Variants in AMMECR1 observed in about 807,000 individuals in gnomAD.
The protein encoded by AMMECR1 is nuclear protein AMMECR1.
AMMECR1 carries 3 observed loss-of-function variants against 22.5 expected under a neutral mutation model. The observed-to-expected ratio is 0.13, with a 90% CI of 0.06 to 0.35. The LOEUF is 0.35. Among genes scored for constraint, AMMECR1 ranks in the 10% least tolerant of loss-of-function variants. The pLI is 1.00. For missense variants in AMMECR1, 235 were observed against 278.7 expected (o/e 0.84, Z 1.12); for synonymous variants, 130 against 116.7 (o/e 1.11, Z -0.74).
chrX:110,208,068 G>A (rs1031558782), intron 3 of AMMECR1, among the ~76,000 whole-genome samples: 1 of 112,341 alleles, frequency 8.9e-6, no homozygotes, highest in Non-Finnish European at 1.9e-5. Context: ...TCCGACTAGA[G>A]ATAACTCTTA....
intron 2 of AMMECR1, among the ~76,000 whole-genome samples, chrX:110,360,567 T>C (rs910449930): frequency 9.0e-6 from 1 of 111,618 alleles, no homozygotes; most frequent in African/African-American, 3.3e-5. Flanking sequence ...AATTGCATAA[T>C]GGAGAGTAGA....
intron 2 of AMMECR1, among the ~76,000 whole-genome samples, chrX:110,260,877 GAC>G (rs1455036871): frequency 8.9e-6 from 1 of 112,084 alleles, no homozygotes; most frequent in Non-Finnish European, 1.9e-5. Context: ...AAGGTAAATT[GAC>G]ACACGCTACC....
At chrX:110,324,007 AT>A (rs754004526) in intron 2 of AMMECR1, among the ~76,000 whole-genome samples, 293 of 98,838 alleles carry the variant, frequency 3.0e-3, no homozygotes, top group African/African-American at 5.8e-3. Flanking sequence ...TGTTCATTGT[AT>A]TTTTTTTTTT....
At chrX:110,213,628 T>C (rs1308523826) in intron 3 of AMMECR1, among the ~76,000 whole-genome samples, 1 of 112,072 alleles carries the variant, frequency 8.9e-6, no homozygotes, top group African/African-American at 3.2e-5. Flanking sequence ...AGAAGTGAAA[T>C]TGTGTCAACG....
chrX:110,392,563 G>A (rs1242816816), intron 2 of AMMECR1, among the ~76,000 whole-genome samples: 4 of 112,084 alleles, frequency 3.6e-5, no homozygotes, highest in Non-Finnish European at 7.5e-5. Flanking sequence ...GATTATAGGC[G>A]TGAGCCACTG....
intron 2 of AMMECR1, among the ~76,000 whole-genome samples, chrX:110,421,475 G>A (rs1406283861): frequency 8.9e-6 from 1 of 112,665 alleles, no homozygotes; most frequent in African/African-American, 3.2e-5. Flanking sequence ...TGTATTGTGT[G>A]CTAGTTTCAG....
chrX:110,418,339 C>G (rs1406493476), intron 2 of AMMECR1, among the ~76,000 whole-genome samples: 1 of 112,295 alleles, frequency 8.9e-6, no homozygotes, highest in Admixed American at 9.4e-5. Flanking sequence ...ACACTCGAGT[C>G]TCTCACTGTG....
intron 2 of AMMECR1, among the ~76,000 whole-genome samples, chrX:110,233,907 G>C (rs2067584502): frequency 1.8e-5 from 2 of 112,042 alleles, no homozygotes; most frequent in African/African-American, 6.5e-5. Flanking sequence ...GCATTCCTTT[G>C]AAAACTGGCA....
At chrX:110,287,034 T>C (rs1283751231) in intron 1 of AMMECR1, among the ~76,000 whole-genome samples, 1 of 112,138 alleles carries the variant, frequency 8.9e-6, no homozygotes, top group African/African-American at 3.2e-5. Context: ...TTCTGTCAAT[T>C]ATGAGACCAG....
In AMMECR1 at chrX:110,405,099, C is replaced by CG. The variant is rs1284580222; in HGVS notation, c.-148+21558_-148+21559insC. Among the ~76,000 whole-genome samples, 5 of 101,268 alleles carry CG rather than the reference C, an allele frequency of 4.9e-5. No homozygotes were observed. In the East Asian group the frequency reaches 9.6e-4, roughly 20 times the overall value. 87.9% of individuals were successfully genotyped at this position (101,268 alleles called of 115,157 possible). A position where few individuals can be genotyped will look rare whatever the true frequency, so the allele number is the denominator to read the frequency against. ...GTGTGCTTGTTGTGTCCCCCCCCCC[C>CG]CCAAGCATGAGTCAGAGCCTTTCAT... On this transcript the variant is annotated intron_variant, in intron 2 of 7. Coordinates refer to the AMMECR1 transcript ENST00000372057.
At chrX:110,359,393 G>A (rs965903423) in intron 2 of AMMECR1, among the ~76,000 whole-genome samples, 1 of 110,807 alleles carries the variant, frequency 9.0e-6, no homozygotes, top group African/African-American at 3.3e-5. Context: ...ACTCATGAAC[G>A]ACATGCTCTT....
chrX:110,307,414 G>C (rs2068002106), intron 1 of AMMECR1, among the ~76,000 whole-genome samples: 3 of 111,754 alleles, frequency 2.7e-5, no homozygotes, highest in African/African-American at 9.8e-5. Flanking sequence ...AGATAGGTAT[G>C]TACCTTTGTA....
intron 2 of AMMECR1, among the ~76,000 whole-genome samples, chrX:110,232,165 C>G (rs1156619827): frequency 9.0e-6 from 1 of 111,629 alleles, no homozygotes; most frequent in Non-Finnish European, 1.9e-5. Context: ...AACAAGCAGA[C>G]CTAAGAGACA....
chrX:110,345,304 T>A (rs2068183863), intron 2 of AMMECR1, among the ~76,000 whole-genome samples: 2 of 107,165 alleles, frequency 1.9e-5, no homozygotes, highest in African/African-American at 3.5e-5. Context: ...ATGAGAACAC[T>A]TGGACACAGG....
Position 110,336,422 on chromosome X carries a change from G to A in AMMECR1, c.-147-18573C>T, listed in dbSNP as rs181085575. On this transcript the variant is annotated intron_variant, in intron 2 of 7. Coordinates refer to the AMMECR1 transcript ENST00000372057. ...ATCTCGACTGGGTGTGGTGGCTCAC[G>A]CCTGTAATCCCAGCAGTTTGGGAGG... Among the ~76,000 whole-genome samples, 258 of 110,817 alleles carry A rather than the reference G, an allele frequency of 2.3e-3. 1 individual carries two copies. Among genetic ancestry groups the A allele is most frequent in the Middle Eastern group, 4.7e-3 (1 of 215 alleles).
chrX:110,379,494 T>C (rs2068403425), intron 2 of AMMECR1, among the ~76,000 whole-genome samples: 1 of 112,050 alleles, frequency 8.9e-6, no homozygotes, highest in Non-Finnish European at 1.9e-5. Flanking sequence ...CATTTTTCTT[T>C]TCTGGATCCA....
intron 2 of AMMECR1, among the ~76,000 whole-genome samples, chrX:110,250,510 A>G (rs2148191361): frequency 9.0e-6 from 1 of 111,645 alleles, no homozygotes; most frequent in South Asian, 3.8e-4. Flanking sequence ...TTATCTTACT[A>G]CTCCTAAACT....
At chrX:110,396,476 C>T (rs977445927) in intron 2 of AMMECR1, among the ~76,000 whole-genome samples, 1 of 111,930 alleles carries the variant, frequency 8.9e-6, no homozygotes, top group African/African-American at 3.2e-5. Context: ...CCCTTCAAAC[C>T]ATGCTCTTGA....
intron 2 of AMMECR1, among the ~76,000 whole-genome samples, chrX:110,400,013 A>C: frequency 9.0e-6 from 1 of 110,567 alleles, no homozygotes; most frequent in Admixed American, 9.7e-5. Context: ...TCATTATAGC[A>C]ATTCAACATT....
Sources: allele counts gnomAD v4.1 joint callset (sites outside exome capture counted in the v4.1 genomes callset), GRCh38; gene constraint gnomAD v4.1.1; transcripts MANE v1.5; gene names NCBI Gene and HGNC (gene_info 2026-07-23, HGNC 2026-07-21).